Variants in BPIFB1 observed in about 807,000 individuals in gnomAD.
The protein encoded by BPIFB1 is BPI fold-containing family B member 1.
In BPIFB1, 34 loss-of-function variants were observed where a neutral mutation model predicts 55.1. That is an observed-to-expected ratio of 0.62 (90% CI 0.47 to 0.82). The LOEUF is 0.82. BPIFB1 is among the 40% of genes least tolerant of loss of function. The pLI is 0.00. For missense variants in BPIFB1, 532 were observed against 593.1 expected (o/e 0.90, Z 1.07); for synonymous variants, 236 against 245.3 (o/e 0.96, Z 0.35).
rs777207678 is a variant in BPIFB1, at chr20:33,291,100, T to C, written c.509T>C (p.Leu170Pro). 2 of 1,611,022 alleles carry C rather than the reference T, an allele frequency of 1.2e-6. No homozygotes were observed. Among genetic ancestry groups the C allele is most frequent in the Admixed American group, 1.7e-5 (1 of 60,028 alleles). The change falls in exon 5 of 16, where the codon CTG (leucine) becomes CCG (proline). Residue 170 changes from leucine to proline, a missense_variant. Leu to Pro is a moderately conservative substitution (Grantham distance 98, BLOSUM62 -3). Coordinates refer to ENST00000253354, the MANE Select transcript of BPIFB1 (RefSeq NM_033197.3). ...CATGGGAGCCTGCGCATCCAACTGC[T>C]GCATAAGTGAGTGTCGCTGGCCACC... ...TSHGSLRIQL[L>P]HKLSFLVNAL...
At chr20:33,290,474 G>T (rs1600662775) in intron 4 of BPIFB1, among the ~76,000 whole-genome samples, 1 of 152,190 alleles carries the variant, frequency 6.6e-6, no homozygotes, top group Non-Finnish European at 1.5e-5. Context: ...GTGCTGAGAA[G>T]TTGATTGGAT....
chr20:33,293,165 C>T (rs1246355189), intron 6 of BPIFB1, among the ~76,000 whole-genome samples: 2 of 152,220 alleles, frequency 1.3e-5, no homozygotes, highest in Non-Finnish European at 2.9e-5. Context: ...TCAGGTGATC[C>T]GCCTGCCTCA....
At chr20:33,284,495 C>T (rs1181187635) in intron 1 of BPIFB1, among the ~76,000 whole-genome samples, 2 of 152,154 alleles carry the variant, frequency 1.3e-5, no homozygotes, top group Non-Finnish European at 2.9e-5. Context: ...GCCCTCCCTC[C>T]CAGAGCTCAC....
rs575516991 is a variant in BPIFB1, at chr20:33,288,144, G to T, written c.116-597G>T. On this transcript the variant is annotated intron_variant, in intron 2 of 15. Transcript: ENST00000253354. ...TCACTGGCTGAAGTCTGCTCCTGGG[G>T]CATCAGCTCTCCAGCACTTCTGACC... 1.9e-3 allele frequency among the ~76,000 whole-genome samples: 289 copies of T among 152,236 alleles called. 2 individuals are homozygous for T. Among genetic ancestry groups the T allele is most frequent in the Non-Finnish European group, 2.5e-4 (17 of 68,020 alleles).
chr20:33,295,279 A>G (rs557740417), intron 6 of BPIFB1, among the ~76,000 whole-genome samples: 2 of 151,996 alleles, frequency 1.3e-5, no homozygotes, highest in African/African-American at 4.8e-5. Context: ...CTTGCTTTAT[A>G]TAATTGTGAG....
intron 3 of BPIFB1, 126 bp from the exon 4 acceptor site, chr20:33,289,759 C>T (rs1078944): frequency 0.043 from 32,398 of 759,634 alleles, 817 homozygotes; most frequent in Non-Finnish European, 0.049. Flanking sequence ...GGAGAGGAGT[C>T]GGTGGGCAGG....
At chr20:33,294,796 C>T (rs1421698855) in intron 6 of BPIFB1, among the ~76,000 whole-genome samples, 1 of 152,148 alleles carries the variant, frequency 6.6e-6, no homozygotes, top group Non-Finnish European at 1.5e-5. Context: ...GCCGGCATCC[C>T]ATTATCATCA....
chr20:33,302,876 G>A, intron 10 of BPIFB1, 40 bp from the exon 11 acceptor site: 1 of 1,606,710 alleles, frequency 6.2e-7, no homozygotes, highest in Non-Finnish European at 8.5e-7. Context: ...GGCCATGGTG[G>A]GCACTTGGGA....
chr20:33,286,685 G>A (rs985649411), intron 2 of BPIFB1, among the ~76,000 whole-genome samples: 5 of 152,228 alleles, frequency 3.3e-5, no homozygotes, highest in African/African-American at 1.2e-4. Flanking sequence ...TCCTCACTGG[G>A]TGGTTGGAAT....
Position 33,304,021 on chromosome 20 carries a change from A to G in BPIFB1, c.1204A>G (p.Ile402Val), listed in dbSNP as rs140677140. 115 of 1,612,460 alleles carry G rather than the reference A, an allele frequency of 7.1e-5. No homozygotes were observed. In the African/African-American group the frequency reaches 1.4e-3, roughly 19 times the overall value. The change falls in exon 12 of 16, where the codon ATC becomes GTC. Residue 402 changes from isoleucine (I) to valine (V), a missense_variant. Transcript: ENST00000253354. The part of the protein sequence containing the change: ...GDQLILNLNN[I>V]SSDRIQLMNS... ...CCAACTTATACTCAACTTGAATAAC[A>G]TCAGGTAAACACACAAATCATCATG...
At chr20:33,304,147 G>T in intron 12 of BPIFB1, 122 bp downstream of exon 12, 2 of 827,086 alleles carry the variant, frequency 2.4e-6, no homozygotes, top group East Asian at 5.0e-5. Flanking sequence ...GGTAGGCAGG[G>T]AGGTCCTTCC....
chr20:33,305,316 CT>C (rs34490442), intron 13 of BPIFB1, among the ~76,000 whole-genome samples: 19,349 of 105,656 alleles, frequency 0.18, 1,137 homozygotes, highest in Middle Eastern at 0.24. Flanking sequence ...CTATTTTTGA[CT>C]TTTTTTTTTT....
chr20:33,306,748 G>A (rs1981039882), intron 14 of BPIFB1, 163 bp from the exon 15 acceptor site: 3 of 651,328 alleles, frequency 4.6e-6, no homozygotes, highest in Non-Finnish European at 8.4e-6. Flanking sequence ...GGGTAGACGA[G>A]GCTGGGTCAA....
At chr20:33,300,286 G>A (rs1980804775) in intron 8 of BPIFB1, among the ~76,000 whole-genome samples, 1 of 152,208 alleles carries the variant, frequency 6.6e-6, no homozygotes. Flanking sequence ...TGACAACCTT[G>A]AAACAAAAGC....
intron 2 of BPIFB1, 101 bp downstream of exon 2, chr20:33,286,289 T>C (rs1980264966): frequency 1.9e-6 from 2 of 1,026,072 alleles, no homozygotes; most frequent in African/African-American, 3.2e-5. Flanking sequence ...GGGATGTGCA[T>C]GGCTGAGATC....
In BPIFB1 at chr20:33,306,983, C is replaced by G. The variant is rs17856249; in HGVS notation, c.1391C>G (p.Thr464Ser). ...LGFEAAESSL[T>S]KDALVLTPAS... ...TTCGAGGCAGCTGAGTCCTCACTGA[C>G]CAAGGTGAGTGGGTGTGGCCCTAAA... The change falls in exon 15 of 16, where the codon ACC becomes AGC. Residue 464 changes from threonine (T) to serine (S), a missense_variant. Thr to Ser is a moderately conservative substitution (Grantham distance 58, BLOSUM62 1). Coordinates refer to ENST00000253354, the MANE Select transcript of BPIFB1 (RefSeq NM_033197.3). 50,595 of 1,613,544 alleles carry G rather than the reference C, an allele frequency of 0.031. 902 individuals carry two copies. Among genetic ancestry groups the G allele is most frequent in the Middle Eastern group, 0.046 (277 of 6,058 alleles).
At chr20:33,300,058 A>T in intron 8 of BPIFB1, 74 bp downstream of exon 8, 1 of 1,314,470 alleles carries the variant, frequency 7.6e-7, no homozygotes, top group South Asian at 1.2e-5. Context: ...GTCAGATAGC[A>T]TGGGCCTGTG....
At chr20:33,304,269 C>T (rs1235900900) in intron 12 of BPIFB1, among the ~76,000 whole-genome samples, 1 of 152,198 alleles carries the variant, frequency 6.6e-6, no homozygotes, top group African/African-American at 2.4e-5. Flanking sequence ...CCACTCTGGA[C>T]ACCTCCCAGG....
chr20:33,290,808 A>G, intron 4 of BPIFB1, 149 bp from the exon 5 acceptor site: 1 of 820,806 alleles, frequency 1.2e-6, no homozygotes, highest in South Asian at 1.8e-5. Context: ...AGCCTGGGAC[A>G]TGCTGGGGTG....
Sources: allele counts gnomAD v4.1 joint callset (sites outside exome capture counted in the v4.1 genomes callset), GRCh38; gene constraint gnomAD v4.1.1; transcripts MANE v1.5; gene names NCBI Gene and HGNC (gene_info 2026-07-23, HGNC 2026-07-21).